The following ANXA4 variants were observed in gnomAD, a reference collection of about 807,000 sequenced individuals.
The protein encoded by ANXA4 is annexin A4.
Under a neutral mutation model 49.8 loss-of-function variants are expected in ANXA4, and 39 were observed. That is an observed-to-expected ratio of 0.78 (90% CI 0.61 to 1.02). ANXA4 has a LOEUF of 1.02. Ranked by LOEUF, ANXA4 falls within the 50% of genes least tolerant of loss-of-function variation. ANXA4 has a pLI of 0.00. For synonymous variants in ANXA4, 134 were observed against 152.5 expected (o/e 0.88, Z 0.89); for missense variants, 360 against 410.1 (o/e 0.88, Z 1.05).
intron 10 of ANXA4, 64 bp downstream of exon 10, chr2:69,818,758 C>T: frequency 2.0e-6 from 2 of 997,594 alleles, no homozygotes; most frequent in East Asian, 2.5e-5. Flanking sequence ...TATCAGTTTG[C>T]AATATGGGGA....
At position 69,703,115 on chromosome 2, in the gene ANXA4, A is replaced by C. The variant is rs1678384983; in HGVS notation, n.767-17659A>C. On this transcript the variant is annotated intron_variant and non_coding_transcript_variant, in intron 2 of 3. Coordinates refer to the ANXA4 transcript ENST00000418066. ...CCCTGCCCCCTTTCTCACCTGTAAA[A>C]CATCTGCTGCCATGAAACCCCTTTT... is the stretch of plus-strand genomic sequence containing the variant. 2.0e-5 allele frequency among the ~76,000 whole-genome samples: 3 copies of C among 152,028 alleles called. No individual in the cohort carries two copies. The South Asian group carries it at 6.2e-4, about 32-fold the overall frequency.
chr2:69,763,031 G>A (rs1419073305), intron 1 of ANXA4, among the ~76,000 whole-genome samples: 5 of 152,132 alleles, frequency 3.3e-5, no homozygotes, highest in Admixed American at 2.0e-4. Context: ...GTGCCTTCAC[G>A]AGAATCTTGA....
chr2:69,686,693 CA>C (rs1409471598), intron 2 of ANXA4, among the ~76,000 whole-genome samples: 4 of 152,214 alleles, frequency 2.6e-5, no homozygotes, highest in African/African-American at 9.6e-5. Flanking sequence ...TGGGCTCAAG[CA>C]ATCCTCTGGA....
chr2:69,746,896 G>A (rs1337855178), intron 1 of ANXA4, among the ~76,000 whole-genome samples: 2 of 151,994 alleles, frequency 1.3e-5, no homozygotes, highest in Non-Finnish European at 2.9e-5. Flanking sequence ...TATATGGGAG[G>A]CTGAAGTGGG....
At chr2:69,699,327 G>T (rs1678259005) in intron 2 of ANXA4, among the ~76,000 whole-genome samples, 1 of 152,172 alleles carries the variant, frequency 6.6e-6, no homozygotes, top group Non-Finnish European at 1.5e-5. Context: ...CATGTGAAAA[G>T]TTAGAGGACA....
At chr2:69,666,769 G>A (rs1177174730) in intron 2 of ANXA4, among the ~76,000 whole-genome samples, 1 of 152,184 alleles carries the variant, frequency 6.6e-6, no homozygotes, top group African/African-American at 2.4e-5. Context: ...TATCAGGCTG[G>A]GTGTGGTGGC....
intron 3 of ANXA4, among the ~76,000 whole-genome samples, chr2:69,798,162 C>T (rs1337433188): frequency 6.6e-6 from 1 of 152,152 alleles, no homozygotes; most frequent in Non-Finnish European, 1.5e-5. Context: ...AACCTCCCAC[C>T]CAACCCCAGG....
At chr2:69,646,226 TAATG>T (rs1676005539) in intron 1 of ANXA4, among the ~76,000 whole-genome samples, 1 of 152,194 alleles carries the variant, frequency 6.6e-6, no homozygotes, top group African/African-American at 2.4e-5. Flanking sequence ...GAGTACAAAA[TAATG>T]AACAGATCAG....
At chr2:69,806,916 A>T (rs1295533096) in intron 5 of ANXA4, among the ~76,000 whole-genome samples, 1 of 152,298 alleles carries the variant, frequency 6.6e-6, no homozygotes, top group East Asian at 1.9e-4. Flanking sequence ...CTGGGTAATG[A>T]AATAATCTGT....
At chr2:69,794,522 A>ATTATGATATG (rs1553360005) in intron 3 of ANXA4, among the ~76,000 whole-genome samples, 2 of 126,338 alleles carry the variant, frequency 1.6e-5, no homozygotes, top group African/African-American at 6.8e-5. Flanking sequence ...GTTATGTTAT[A>ATTATGATATG]TTATGTTATG....
chr2:69,663,115 C>G (rs991292267), intron 2 of ANXA4, among the ~76,000 whole-genome samples: 12 of 149,896 alleles, frequency 8.0e-5, no homozygotes, highest in Non-Finnish European at 1.8e-4. Flanking sequence ...GCCTCAGCCT[C>G]TTGAGTAGCT....
intron 3 of ANXA4, among the ~76,000 whole-genome samples, chr2:69,800,889 A>C (rs1466284913): frequency 6.6e-6 from 1 of 152,198 alleles, no homozygotes; most frequent in Admixed American, 6.5e-5. Flanking sequence ...TAGGGAAAAG[A>C]AAGAGACTAG....
At chr2:69,810,389 C>A (rs985310085) in intron 6 of ANXA4, 2 of 549,342 alleles carry the variant, frequency 3.6e-6, no homozygotes, top group Non-Finnish European at 3.3e-6. Context: ...AAAACAAAAA[C>A]AGGAATATCG....
chr2:69,667,990 G>A lies in ANXA4; in HGVS notation n.766+14708G>A, dbSNP rs558798758. On this transcript the variant is annotated intron_variant and non_coding_transcript_variant, in intron 2 of 3. Transcript: ENST00000418066. ...CTAGTGAGCATGCAGAAATGCACAG[G>A]TGCTTTTCAAGTCCCTGCTCGTCTC... is the stretch of plus-strand genomic sequence containing the variant. 7.2e-5 allele frequency among the ~76,000 whole-genome samples: 11 copies of A among 152,312 alleles called. No homozygotes were observed. In the South Asian group the frequency reaches 2.3e-3, roughly 32 times the overall value.
chr2:69,805,675 A>G (rs1333098756), intron 4 of ANXA4, among the ~76,000 whole-genome samples: 1 of 152,166 alleles, frequency 6.6e-6, no homozygotes, highest in Non-Finnish European at 1.5e-5. Context: ...AAAGGTTATC[A>G]GTGAATATTG....
At chr2:69,798,761 G>A (rs1182355674) in intron 3 of ANXA4, among the ~76,000 whole-genome samples, 1 of 152,212 alleles carries the variant, frequency 6.6e-6, no homozygotes, top group East Asian at 1.9e-4. Context: ...CCTCGGAAGT[G>A]AAAGTAGAGT....
chr2:69,781,175 C>G (rs1220297254), intron 1 of ANXA4: 2 of 238,736 alleles, frequency 8.4e-6, no homozygotes, highest in Non-Finnish European at 8.2e-6. Context: ...AAGGGGGAAC[C>G]TCTTCTGATC....
At chr2:69,706,784 T>C (rs570799751) in intron 2 of ANXA4, among the ~76,000 whole-genome samples, 6 of 152,330 alleles carry the variant, frequency 3.9e-5, no homozygotes, top group African/African-American at 1.4e-4. Flanking sequence ...ACTTAGTGTG[T>C]TTTCAAGGTT....
intron 2 of ANXA4, among the ~76,000 whole-genome samples, chr2:69,656,736 G>A (rs1676515694): frequency 6.6e-6 from 1 of 151,478 alleles, no homozygotes; most frequent in Non-Finnish European, 1.5e-5. Flanking sequence ...TTTTAGTAGA[G>A]ATGGGGTTTC....
Sources: allele counts gnomAD v4.1 joint callset (sites outside exome capture counted in the v4.1 genomes callset), GRCh38; gene constraint gnomAD v4.1.1; transcripts MANE v1.5; gene names NCBI Gene and HGNC (gene_info 2026-07-23, HGNC 2026-07-21).